The following DYSF variants were observed in gnomAD, a reference collection of about 807,000 sequenced individuals.
DYSF encodes the protein dysferlin.
A neutral mutation model predicts 274.9 loss-of-function variants in DYSF; 212 were observed. That is an observed-to-expected ratio of 0.77 (90% CI 0.69 to 0.86). DYSF has a LOEUF of 0.86. Ranked by LOEUF, DYSF falls within the 40% of genes least tolerant of loss-of-function variation. The probability of loss-of-function intolerance (pLI) is 0.00; values close to 1 mark genes in which losing one functional copy is unlikely to be tolerated. For synonymous variants in DYSF, 1,091 were observed against 1,078.7 expected, an observed-to-expected ratio of 1.01 and a Z score of -0.22; for missense variants, 2,666 against 2,783.2, an observed-to-expected ratio of 0.96 and a Z score of 0.95.
At chr2:71,663,298 GCA>G (rs1247652312) in intron 45 of DYSF, among the ~76,000 whole-genome samples, 1 of 152,188 alleles carries the variant, frequency 6.6e-6, no homozygotes, top group Non-Finnish European at 1.5e-5. Context: ...CCCTCCCACT[GCA>G]CTTTCTGGGA....
In DYSF at chr2:71,589,587, C is replaced by T; in HGVS notation, c.3403-6C>T. ...GAATCTGCCATAACCAGCTTCGTGT[C>T]TCCAGGGCGGCGTGATGGATGACAA... On this transcript the variant is annotated splice_region_variant and splice_polypyrimidine_tract_variant and intron_variant, in intron 30 of 55. Coordinates refer to ENST00000410020, the MANE Select transcript of DYSF (RefSeq NM_001130987.2). 3 of 1,613,940 alleles carry T rather than the reference C, an allele frequency of 1.9e-6. No individual in the cohort carries two copies. The South Asian group carries it at 3.3e-5, about 18-fold the overall frequency.
At chr2:71,458,204 A>T (rs1558911606) in intron 1 of DYSF, among the ~76,000 whole-genome samples, 1 of 152,248 alleles carries the variant, frequency 6.6e-6, no homozygotes, top group Admixed American at 6.5e-5. Flanking sequence ...TAGTCCATAT[A>T]AAGCACTTCA....
At chr2:71,665,816 C>G (rs1483189129) in intron 47 of DYSF, among the ~76,000 whole-genome samples, 2 of 152,180 alleles carry the variant, frequency 1.3e-5, no homozygotes, top group African/African-American at 4.8e-5. Context: ...CCAGTCCTGC[C>G]CAGGGTCCTG....
At chr2:71,684,940 T>C (rs927547292) in intron 55 of DYSF, among the ~76,000 whole-genome samples, 1 of 152,146 alleles carries the variant, frequency 6.6e-6, no homozygotes, top group African/African-American at 2.4e-5. Flanking sequence ...GGCTGCTGTA[T>C]ATTAAGCCAA....
chr2:71,622,819 T>C (rs1395625846), intron 41 of DYSF, among the ~76,000 whole-genome samples: 1 of 152,208 alleles, frequency 6.6e-6, no homozygotes, highest in African/African-American at 2.4e-5. Context: ...TTCACCATCT[T>C]GGCCAGGCTG....
At chr2:71,560,662 G>A (rs1003484583) in intron 22 of DYSF, among the ~76,000 whole-genome samples, 3 of 152,250 alleles carry the variant, frequency 2.0e-5, no homozygotes, top group Non-Finnish European at 4.4e-5. Context: ...TGCCAGAGCG[G>A]TGTATCTGGC....
In DYSF at chr2:71,668,744, G is replaced by A. The variant is rs1340953942; in HGVS notation, c.5458-10G>A. On this transcript the variant is annotated splice_polypyrimidine_tract_variant and intron_variant, in intron 48 of 55. Coordinates refer to ENST00000410020, the MANE Select transcript of DYSF (RefSeq NM_001130987.2). ...GAAGGGTGGGGAGAGAACGGACCCT[G>A]TCTCCGCAGGGGAAGCTGCAGATGT... The A allele has an allele frequency of 6.2e-7, 1 of 1,613,046 alleles. No homozygotes were observed. The highest frequency in any genetic ancestry group is 8.5e-7 in the Non-Finnish European group (1 of 1,179,752).
At chr2:71,671,585 A>G (rs916261967) in intron 51 of DYSF, among the ~76,000 whole-genome samples, 5 of 152,194 alleles carry the variant, frequency 3.3e-5, no homozygotes, top group African/African-American at 1.2e-4. Context: ...TCTCTGAAGT[A>G]AGAGGAGAGA....
intron 5 of DYSF, among the ~76,000 whole-genome samples, chr2:71,512,659 G>A (rs570841356): frequency 2.6e-5 from 4 of 152,320 alleles, no homozygotes; most frequent in East Asian, 1.9e-4. Context: ...CTACATAGAC[G>A]GGCTAGTGGG....
chr2:71,622,531 G>A (rs904764141), intron 41 of DYSF, among the ~76,000 whole-genome samples: 4 of 152,178 alleles, frequency 2.6e-5, no homozygotes, highest in Non-Finnish European at 4.4e-5. Flanking sequence ...GCCTCTACCA[G>A]ATTTCCATTA....
chr2:71,640,333 G>T (rs982907678), intron 41 of DYSF, among the ~76,000 whole-genome samples: 6 of 152,134 alleles, frequency 3.9e-5, no homozygotes, highest in African/African-American at 1.4e-4. Flanking sequence ...GTTCATTTGA[G>T]AATAAATGAA....
chr2:71,522,168 A>G (rs993094722), intron 12 of DYSF, among the ~76,000 whole-genome samples: 1 of 149,796 alleles, frequency 6.7e-6, no homozygotes, highest in South Asian at 2.1e-4. Context: ...ATCCTAAAAC[A>G]CCCCTTCCTT....
chr2:71,605,225 T>G (rs767430784), intron 36 of DYSF, among the ~76,000 whole-genome samples: 66 of 152,220 alleles, frequency 4.3e-4, no homozygotes, highest in Non-Finnish European at 9.1e-4. Flanking sequence ...TTCCTCCTTC[T>G]CCCCGCCTCT....
upstream of DYSF, chr2:71,466,567 C>G (rs1263332885): frequency 3.8e-6 from 4 of 1,049,918 alleles, no homozygotes; most frequent in African/African-American, 6.6e-5. Flanking sequence ...CCAGCACCCC[C>G]ACAGGCGCCC....
intron 24 of DYSF, among the ~76,000 whole-genome samples, chr2:71,564,637 G>A (rs2091975340): frequency 6.6e-6 from 1 of 152,210 alleles, no homozygotes; most frequent in South Asian, 2.1e-4. Context: ...GAGCCACTCT[G>A]AGGCTCAAGT....
intron 17 of DYSF, 30 bp from the exon 18 acceptor site, chr2:71,551,011 A>T (rs2090903847): frequency 6.2e-7 from 1 of 1,603,212 alleles, no homozygotes; most frequent in Non-Finnish European, 8.5e-7. Flanking sequence ...CACTGGGCCG[A>T]CCCCTCTGAT....
intron 41 of DYSF, among the ~76,000 whole-genome samples, chr2:71,622,037 A>G (rs552720810): frequency 1.5e-5 from 1 of 68,760 alleles, no homozygotes; most frequent in African/African-American, 3.1e-5. Context: ...ATCATTTGCC[A>G]TTTAATTTGT....
Position 71,660,574 on chromosome 2 carries a change from C to G in DYSF, c.4926C>G (p.Ile1642Met), listed in dbSNP as rs775825352. ...KDPNGKCDPY[I>M]KISIGKKSVS... ...TCCTCCTCCAGTGTGATCCTTACAT[C>G]AAGATCTCCATAGGGAAGAAATCAG... is the stretch of plus-strand genomic sequence containing the variant. The change falls in exon 45 of 56, where the codon ATC becomes ATG. Residue 1642 changes from isoleucine to methionine, a missense_variant. By Grantham distance (10) the Ile-to-Met change is conservative (BLOSUM62 1). Transcript: ENST00000410020. 1 of 1,614,018 alleles carries G rather than the reference C, an allele frequency of 6.2e-7. No homozygotes were observed. Among genetic ancestry groups the G allele is most frequent in the South Asian group, 1.1e-5 (1 of 91,064 alleles).
chr2:71,617,987 G>A (rs1252314271), intron 40 of DYSF, among the ~76,000 whole-genome samples: 2 of 135,010 alleles, frequency 1.5e-5, no homozygotes, highest in Non-Finnish European at 3.2e-5. Flanking sequence ...TGTGGTAGAG[G>A]TGAGGTATAT....
Sources: allele counts gnomAD v4.1 joint callset (sites outside exome capture counted in the v4.1 genomes callset), GRCh38; gene constraint gnomAD v4.1.1; transcripts MANE v1.5; gene names NCBI Gene and HGNC (gene_info 2026-07-23, HGNC 2026-07-21).